The following CCDC47 variants were observed in gnomAD, a reference collection of about 807,000 sequenced individuals.
The protein encoded by CCDC47 is coiled-coil domain containing 47, also known as PAT complex subunit CCDC47.
Under a neutral mutation model 60.5 loss-of-function variants are expected in CCDC47, and 41 were observed. That is an observed-to-expected ratio of 0.68 (90% CI 0.53 to 0.88). The LOEUF is 0.88. Ranked by LOEUF, CCDC47 falls within the 40% of genes least tolerant of loss-of-function variation. The pLI is 0.00. For missense variants in CCDC47, 513 were observed against 580.9 expected (o/e 0.88, Z 1.20); for synonymous variants, 195 against 190.7 (o/e 1.02, Z -0.18).
intron 12 of CCDC47, among the ~76,000 whole-genome samples, chr17:63,748,624 A>G (rs8067064): frequency 2.0e-5 from 3 of 151,918 alleles, no homozygotes; most frequent in Admixed American, 6.6e-5. Context: ...CATATTACAC[A>G]CATGTGTAAA....
intron 2 of CCDC47, among the ~76,000 whole-genome samples, chr17:63,765,345 T>C (rs779365744): frequency 4.6e-5 from 7 of 151,508 alleles, no homozygotes; most frequent in Non-Finnish European, 8.9e-5. Context: ...TTTTTTCTTT[T>C]CTTTTTTTTT....
chr17:63,749,453 G>GAAA (rs34119562), intron 12 of CCDC47, among the ~76,000 whole-genome samples: 2 of 101,284 alleles, frequency 2.0e-5, no homozygotes, highest in African/African-American at 6.8e-5. Flanking sequence ...CCAGAATAAG[G>GAAA]AAAAAAAAAA....
chr17:63,760,007 T>C (rs1304597590), intron 6 of CCDC47, among the ~76,000 whole-genome samples: 1 of 133,542 alleles, frequency 7.5e-6, no homozygotes, highest in Non-Finnish European at 1.5e-5. Context: ...GAGATTGCAG[T>C]GAGCCGAGAT....
intron 9 of CCDC47, chr17:63,753,622 A>C: frequency 1.6e-5 from 16 of 981,126 alleles, no homozygotes; most frequent in Non-Finnish European, 1.9e-5. Context: ...CCAAGTCCTG[A>C]ATATGTACTC....
intron 6 of CCDC47, among the ~76,000 whole-genome samples, chr17:63,759,578 A>ATAT (rs1568249244): frequency 4.8e-5 from 5 of 104,920 alleles, no homozygotes; most frequent in Non-Finnish European, 8.0e-5. Flanking sequence ...TATATATATA[A>ATAT]AACAATGATT....
chr17:63,756,721 C>G, intron 6 of CCDC47, 151 bp from the exon 7 acceptor site: 1 of 613,692 alleles, frequency 1.6e-6, no homozygotes, highest in Non-Finnish European at 2.9e-6. Flanking sequence ...ATATTACCCC[C>G]ATAATCAGGC....
intron 2 of CCDC47, chr17:63,765,048 A>T (rs6504184): frequency 0.64 from 493,882 of 772,070 alleles, 159,398 homozygotes; most frequent in African/African-American, 0.92. Flanking sequence ...ATGTGCAGCA[A>T]GGTGACTACA....
At chr17:63,747,025 T>C (rs2039125486) in intron 12 of CCDC47, 64 bp from the exon 13 acceptor site, 3 of 1,572,214 alleles carry the variant, frequency 1.9e-6, no homozygotes, top group Non-Finnish European at 8.6e-7. Flanking sequence ...AAATTAAGCT[T>C]GAAACATATG....
chr17:63,769,961 CTTTTTT>C (rs397857898), intron 1 of CCDC47, among the ~76,000 whole-genome samples: 1 of 128,444 alleles, frequency 7.8e-6, no homozygotes, highest in Non-Finnish European at 1.6e-5. Context: ...ATTTTTCTTT[CTTTTTT>C]TTTTTTTTTT....
intron 4 of CCDC47, chr17:63,761,956 A>T (rs1352342248): frequency 1.4e-6 from 1 of 733,498 alleles, no homozygotes; most frequent in Non-Finnish European, 1.7e-6. Flanking sequence ...AAATGGGAAA[A>T]AAATCAGTTG....
At position 63,766,040 on chromosome 17, in the gene CCDC47, T is replaced by C; in HGVS notation, c.136A>G (p.Met46Val). 6.2e-7 allele frequency: 1 copy of C among 1,614,150 alleles called. No homozygotes were observed. Among genetic ancestry groups the C allele is most frequent in the Admixed American group, 1.7e-5 (1 of 60,018 alleles). ...GGAGATTCAGTAACAGAGTCTTCCA[T>C]GACATCCTCAAATTCAGCGAAGTCA... is the stretch of plus-strand genomic sequence containing the variant. ...DNDFAEFEDV[M>V]EDSVTESPQR... Residue 46 changes from methionine to valine, a missense_variant, in exon 2 of 13, where the codon ATG (methionine) becomes GTG (valine). Transcript: ENST00000225726.
In CCDC47 at chr17:63,764,012, T is replaced by C; in HGVS notation, c.547+4A>G. The stretch of plus-strand genomic sequence containing the variant: ...GAAGCTGGGCTGACATTGGCCTCAC[T>C]TACCCACTAAAGTAAAGTTGCTCTC... On this transcript the variant is annotated splice_donor_region_variant and intron_variant, in intron 4 of 12. Transcript: ENST00000225726. The C allele has an allele frequency of 1.3e-6, 2 of 1,584,900 alleles. No homozygotes were observed. Among genetic ancestry groups the C allele is most frequent in the Non-Finnish European group, 1.7e-6 (2 of 1,169,776 alleles).
intron 4 of CCDC47, chr17:63,761,952 G>A (rs533380059): frequency 1.4e-6 from 1 of 724,422 alleles, no homozygotes; most frequent in African/African-American, 1.9e-5. Flanking sequence ...TACAAAATGG[G>A]AAAAAAATCA....
rs372194811 is a variant in CCDC47, at chr17:63,764,050, A to G, written c.513T>C (p.His171=). 1.1e-4 allele frequency: 178 copies of G among 1,607,148 alleles called. 2 individuals are homozygous for G. In the South Asian group the frequency reaches 1.9e-3, roughly 17 times the overall value. Residue 171 remains histidine (H), a synonymous_variant, in exon 4 of 13, where the codon CAT becomes CAC. Coordinates refer to ENST00000225726, the MANE Select transcript of CCDC47 (RefSeq NM_020198.3). ...TAAAGTTGCTCTCCAAAAGCTCCCT[A>G]TGAGTGTTAAACCAGGCCTGTGCAA... The part of the protein sequence containing the change: ...SRLAQAWFNT[H]RELLESNFTL...
In CCDC47 at chr17:63,765,641, A is replaced by G. The variant is rs538123765; in HGVS notation, c.264+271T>C. The G allele has an allele frequency of 4.4e-6, 5 of 1,134,392 alleles. 1 individual carries two copies. The highest frequency in any genetic ancestry group is 6.1e-5 in the South Asian group (2 of 32,940). 70.3% of individuals were successfully genotyped at this position (1,134,392 alleles called of 1,614,324 possible). A position where few individuals can be genotyped will look rare whatever the true frequency, so the allele number is the denominator to read the frequency against. On this transcript the variant is annotated intron_variant, in intron 2 of 12. Transcript: ENST00000225726. ...AGGCATGAGCCACCGTGCCCAGCCA[A>G]TTGCAAAGTTCTAAATAATACAATT...
Position 63,754,414 on chromosome 17 carries a change from A to C in CCDC47, c.1034+19T>G. The stretch of plus-strand genomic sequence containing the variant: ...GCTAGTGAGGAAAATTAATTTCAAC[A>C]ATTTTATCTTATACGTACTCTTGCA... On this transcript the variant is annotated intron_variant, in intron 9 of 12. Transcript: ENST00000225726. The C allele has an allele frequency of 6.8e-7, 1 of 1,476,842 alleles. No individual in the cohort carries two copies. The highest frequency in any genetic ancestry group is 9.4e-7 in the Non-Finnish European group (1 of 1,060,794). 91.5% of individuals were successfully genotyped at this position (1,476,842 alleles called of 1,614,324 possible). A position where few individuals can be genotyped will look rare whatever the true frequency, so the allele number is the denominator to read the frequency against.
At position 63,758,826 on chromosome 17, in the gene CCDC47, C is replaced by T. The variant is rs368855255; in HGVS notation, c.735+2088G>A. ...GTAAGATGGCAGCTGTAAAAGAAAA[C>T]GTTTTCTGCTCTTCCATCATTGATG... On this transcript the variant is annotated intron_variant, in intron 6 of 12. Transcript: ENST00000225726. 3.5e-4 allele frequency among the ~76,000 whole-genome samples: 53 copies of T among 152,086 alleles called. No homozygotes were observed. In the South Asian group the frequency reaches 1.0e-2, roughly 29 times the overall value.
chr17:63,772,079 C>A (rs2039346932), intron 1 of CCDC47, among the ~76,000 whole-genome samples: 1 of 151,670 alleles, frequency 6.6e-6, no homozygotes, highest in Non-Finnish European at 1.5e-5. Flanking sequence ...GAGACTCTGT[C>A]TCAAAAAAAT....
chr17:63,771,807 C>A (rs2039343638), intron 1 of CCDC47, among the ~76,000 whole-genome samples: 1 of 152,114 alleles, frequency 6.6e-6, no homozygotes, highest in African/African-American at 2.4e-5. Flanking sequence ...CTAGGCCAGG[C>A]GTGGTGGTCC....
Sources: allele counts gnomAD v4.1 joint callset (sites outside exome capture counted in the v4.1 genomes callset), GRCh38; gene constraint gnomAD v4.1.1; transcripts MANE v1.5; gene names NCBI Gene and HGNC (gene_info 2026-07-23, HGNC 2026-07-21).